The following NR2C2 variants were observed in gnomAD, a reference collection of about 807,000 sequenced individuals.
NR2C2 encodes nuclear receptor subfamily 2 group C member 2.
In NR2C2, 6 loss-of-function variants were observed where a neutral mutation model predicts 62.9. The ratio of observed to expected loss-of-function variants is 0.10; its 90% CI spans 0.05 to 0.19. NR2C2 has a LOEUF of 0.19. Among genes scored for constraint, NR2C2 ranks in the 10% least tolerant of loss-of-function variants. The pLI, the probability that NR2C2 is intolerant of heterozygous loss-of-function variation, is 1.00. For synonymous variants in NR2C2, 272 were observed against 273.8 expected (o/e 0.99, Z 0.07); for missense variants, 479 against 762.7 (o/e 0.63, Z 4.38).
chr3:15,047,951 T>C lies in NR2C2; in HGVS notation c.*4943T>C, dbSNP rs1002806172. Reference sequence around the variant, plus strand: ...CGTCCAGGTCTACTCGGACGAATTTTCCCCCTTAATCTGGCCTTAAACTGA... The same window carrying C: ...CGTCCAGGTCTACTCGGACGAATTTCCCCCCTTAATCTGGCCTTAAACTGA... On this transcript the variant is annotated 3_prime_UTR_variant, in exon 14 of 14. Transcript: ENST00000425241. The C allele has an allele frequency of 3.3e-5, 5 of 152,326 alleles. No homozygotes were observed. The highest frequency in any genetic ancestry group is 9.7e-5 in the African/African-American group (4 of 41,438). The allele number at this position is 152,326 out of a possible 1,614,324, so 9.4% of individuals were successfully genotyped here. A position where few individuals can be genotyped will look rare whatever the true frequency, so the allele number is the denominator to read the frequency against.
chr3:15,042,140 C>T (rs186671563), intron 13 of NR2C2, among the ~76,000 whole-genome samples: 4 of 152,282 alleles, frequency 2.6e-5, no homozygotes, highest in African/African-American at 9.6e-5. Context: ...AGATCCAGTC[C>T]TGGCTGGGGA....
At chr3:14,955,082 C>T (rs981365340) in intron 1 of NR2C2, among the ~76,000 whole-genome samples, 9 of 152,120 alleles carry the variant, frequency 5.9e-5, no homozygotes, top group African/African-American at 2.2e-4. Context: ...CCAGCCATCC[C>T]GGCCTCCTAA....
At chr3:14,995,668 C>CGCGTGTGTGTGTGTGTGTGT (rs1553641024) in intron 1 of NR2C2, among the ~76,000 whole-genome samples, 1 of 148,526 alleles carries the variant, frequency 6.7e-6, no homozygotes, top group African/African-American at 2.5e-5. Flanking sequence ...GTTTTCATTA[C>CGCGTGTGTGTGTGTGTGTGT]GTGTGTGTGT....
intron 13 of NR2C2, among the ~76,000 whole-genome samples, chr3:15,040,854 G>C (rs575377001): frequency 3.3e-4 from 50 of 152,294 alleles, no homozygotes; most frequent in Middle Eastern, 3.4e-3. Context: ...TATACAGTCA[G>C]GTTGTCCTCC....
chr3:14,978,277 C>CAGAA (rs2040265082), intron 1 of NR2C2, among the ~76,000 whole-genome samples: 1 of 152,192 alleles, frequency 6.6e-6, no homozygotes, highest in African/African-American at 2.4e-5. Context: ...ACCTAACCTA[C>CAGAA]AGAACCTCAT....
At chr3:15,029,822 T>A (rs2041924449) in intron 8 of NR2C2, among the ~76,000 whole-genome samples, 1 of 123,724 alleles carries the variant, frequency 8.1e-6, no homozygotes, top group Non-Finnish European at 1.7e-5. Context: ...GATAGATAGA[T>A]AGATAGATAG....
chr3:15,047,084 T>C lies in NR2C2; in HGVS notation c.*4076T>C, dbSNP rs2042483177. On this transcript the variant is annotated 3_prime_UTR_variant, in exon 14 of 14. Transcript: ENST00000425241. ...CATGTGTTTATATCCTCTCCATATG[T>C]ACAGTGTATATAGTGTGTGTATGTG... 6.5e-6 allele frequency: 1 copy of C among 152,678 alleles called. No homozygotes were observed. The highest frequency in any genetic ancestry group is 1.5e-5 in the Non-Finnish European group (1 of 68,044). The allele number at this position is 152,678 out of a possible 1,614,324, so 9.5% of individuals were successfully genotyped here.
At chr3:15,023,937 T>A (rs2041748429) in intron 6 of NR2C2, among the ~76,000 whole-genome samples, 178 bp from the exon 7 acceptor site, 1 of 152,198 alleles carries the variant, frequency 6.6e-6, no homozygotes, top group African/African-American at 2.4e-5. Flanking sequence ...TTTATGTATA[T>A]CTCATTGCAG....
chr3:14,983,246 G>A (rs1482475205), intron 1 of NR2C2, among the ~76,000 whole-genome samples: 1 of 151,856 alleles, frequency 6.6e-6, no homozygotes, highest in Admixed American at 6.6e-5. Context: ...AACCATCCCC[G>A]CCACTACCCT....
intron 10 of NR2C2, 166 bp from the exon 11 acceptor site, chr3:15,034,504 T>TTCTA: frequency 1.7e-6 from 1 of 588,144 alleles, no homozygotes; most frequent in South Asian, 2.5e-5. Flanking sequence ...CATAGACTTA[T>TTCTA]TCATAGACTT....
chr3:15,021,690 A>G (rs993168537), intron 5 of NR2C2, among the ~76,000 whole-genome samples: 1 of 152,192 alleles, frequency 6.6e-6, no homozygotes, highest in East Asian at 1.9e-4. Flanking sequence ...TGCAACTTGC[A>G]TGGCAAGGCT....
chr3:14,981,419 C>T (rs573776312), intron 1 of NR2C2, among the ~76,000 whole-genome samples: 3 of 151,886 alleles, frequency 2.0e-5, no homozygotes, highest in Non-Finnish European at 2.9e-5. Flanking sequence ...CTGGCTAACA[C>T]GGTGAAATCC....
chr3:14,985,725 ACTC>A (rs2040496977), intron 1 of NR2C2, among the ~76,000 whole-genome samples: 1 of 152,062 alleles, frequency 6.6e-6, no homozygotes, highest in African/African-American at 2.4e-5. Flanking sequence ...TTATTTAGCT[ACTC>A]CTCTAAGATG....
At chr3:14,974,199 G>T (rs918002748) in intron 1 of NR2C2, among the ~76,000 whole-genome samples, 1 of 152,044 alleles carries the variant, frequency 6.6e-6, no homozygotes, top group East Asian at 1.9e-4. Flanking sequence ...TTTTGTGACT[G>T]GTTTATTTCA....
chr3:15,043,130 T>G lies in NR2C2; in HGVS notation c.*122T>G. 1.1e-6 allele frequency: 1 copy of G among 901,868 alleles called. No individual in the cohort carries two copies. Among genetic ancestry groups the G allele is most frequent in the South Asian group, 2.9e-5 (1 of 34,936 alleles). 55.9% of individuals were successfully genotyped at this position (901,868 alleles called of 1,614,324 possible). On this transcript the variant is annotated 3_prime_UTR_variant, in exon 14 of 14. Transcript: ENST00000425241. ...ATATGTTAGCCATTTCCTGTCTGGTTTCTCCTTATCTGTTAATCCCAGACA... is the reference window on the plus strand; with the variant it reads ...ATATGTTAGCCATTTCCTGTCTGGTGTCTCCTTATCTGTTAATCCCAGACA...
At chr3:15,005,368 CTTTTT>C (rs761731325) in intron 2 of NR2C2, among the ~76,000 whole-genome samples, 1 of 83,054 alleles carries the variant, frequency 1.2e-5, no homozygotes, top group Non-Finnish European at 2.2e-5. Flanking sequence ...ACGCATAATG[CTTTTT>C]TTTTTTTTTT....
chr3:15,048,446 A>C lies in NR2C2; in HGVS notation c.*5438A>C, dbSNP rs1031337460. On this transcript the variant is annotated 3_prime_UTR_variant, in exon 14 of 14. Coordinates refer to ENST00000425241, the MANE Select transcript of NR2C2 (RefSeq NM_001291694.2). ...AGAAAAGTATCTTTGCGGGGAGAAA[A>C]ATGTCAGATATTTTTAATGCCCAGC... 6.6e-6 allele frequency: 1 copy of C among 152,618 alleles called. No individual in the cohort carries two copies. The highest frequency in any genetic ancestry group is 6.5e-5 in the Admixed American group (1 of 15,282). The allele number at this position is 152,618 out of a possible 1,614,324, so 9.5% of individuals were successfully genotyped here. A position where few individuals can be genotyped will look rare whatever the true frequency, so the allele number is the denominator to read the frequency against.
rs1257307834 is a variant in NR2C2 at position 14,980,450 on chromosome 3, G to A, written c.-39-23426G>A. ...AGTGTTAGGATTATAGGTGTGAGCTGTCGTGCCCAGCCTAAAATTCTTACT... is the reference window on the plus strand; with the variant it reads ...AGTGTTAGGATTATAGGTGTGAGCTATCGTGCCCAGCCTAAAATTCTTACT... On this transcript the variant is annotated intron_variant, in intron 1 of 13. Coordinates refer to ENST00000425241, the MANE Select transcript of NR2C2 (RefSeq NM_001291694.2). Among the ~76,000 whole-genome samples, 3 of 152,172 alleles carry A rather than the reference G, an allele frequency of 2.0e-5. No individual in the cohort carries two copies. The East Asian group carries it at 5.8e-4, about 29-fold the overall frequency.
At position 15,043,631 on chromosome 3, in the gene NR2C2, A is replaced by C. The variant is rs547760184; in HGVS notation, c.*623A>C. On this transcript the variant is annotated 3_prime_UTR_variant, in exon 14 of 14. Transcript: ENST00000425241. ...TTGTGGAGTTGAGCTGAATTCTGTG[A>C]ATGGAAACGTGGCTCATTTGCATCA... The C allele has an allele frequency of 6.5e-5, 10 of 152,780 alleles. No homozygotes were observed. In the East Asian group the frequency reaches 1.9e-3, roughly 29 times the overall value. The allele number at this position is 152,780 out of a possible 1,614,324, so 9.5% of individuals were successfully genotyped here.
Sources: gnomAD v4.1 joint callset for allele counts (sites outside exome capture counted in the v4.1 genomes callset) on GRCh38, gnomAD v4.1.1 for gene constraint, MANE v1.5 for transcripts, NCBI Gene and HGNC (gene_info 2026-07-23, HGNC 2026-07-21) for gene names.